The following GAREM1 variants were observed in gnomAD, a reference collection of about 807,000 sequenced individuals.
The protein encoded by GAREM1 is GRB2 associated regulator of MAPK1 subtype 1, also known as GRB2-associated and regulator of MAPK protein 1.
In GAREM1, 26 loss-of-function variants were observed where a neutral mutation model predicts 71.3. That is an observed-to-expected ratio of 0.36 (90% CI 0.27 to 0.51). The LOEUF is 0.51. GAREM1 is among the 20% of genes least tolerant of loss of function. GAREM1 has a pLI of 0.95. For missense variants in GAREM1, 1,026 were observed against 1,103.1 expected, an observed-to-expected ratio of 0.93 and a Z score of 0.99; for synonymous variants, 440 against 433.2, an observed-to-expected ratio of 1.02 and a Z score of -0.20.
intron 2 of GAREM1, among the ~76,000 whole-genome samples, chr18:32,379,936 T>C (rs1267453894): frequency 6.6e-6 from 1 of 152,142 alleles, no homozygotes; most frequent in African/African-American, 2.4e-5. Context: ...TCCTTAAAAA[T>C]CTATTTATTC....
chr18:32,308,669 T>C (rs2047282495), intron 3 of GAREM1, among the ~76,000 whole-genome samples: 2 of 150,286 alleles, frequency 1.3e-5, no homozygotes, highest in Admixed American at 6.6e-5. Flanking sequence ...GCACAAGTTT[T>C]CACTGTAAAC....
In GAREM1 at chr18:32,470,778, C is replaced by G. The variant is rs1478164839; in HGVS notation, c.-350G>C. ...CCTGGGTCTGCAGCTGCGGCGGCCG[C>G]CCGCTCGCCTCCTCCTCCTCTTACC... On this transcript the variant is annotated 5_prime_UTR_variant, in exon 1 of 6. Coordinates refer to ENST00000269209, the MANE Select transcript of GAREM1 (RefSeq NM_001242409.2). The surrounding 1 kb of genome is among the most constrained non-coding windows in gnomAD (Gnocchi z 4.4). Among the ~76,000 whole-genome samples, 1 of 150,052 alleles carries G rather than the reference C, an allele frequency of 6.7e-6. No homozygotes were observed. Among genetic ancestry groups the G allele is most frequent in the Non-Finnish European group, 1.5e-5 (1 of 67,142 alleles).
intron 1 of GAREM1, among the ~76,000 whole-genome samples, chr18:32,438,460 AACTG>A (rs1403901400): frequency 6.6e-6 from 1 of 152,206 alleles, no homozygotes; most frequent in African/African-American, 2.4e-5. Context: ...CCCACTGTCA[AACTG>A]ACTGTTCCCC....
intron 1 of GAREM1, among the ~76,000 whole-genome samples, chr18:32,432,358 G>GA (rs1258502981): frequency 4.0e-5 from 6 of 150,902 alleles, no homozygotes; most frequent in Admixed American, 6.6e-5. Flanking sequence ...TAAGCAACTG[G>GA]AAAAAAAAGA....
intron 2 of GAREM1, among the ~76,000 whole-genome samples, chr18:32,340,346 T>C (rs2047636204): frequency 6.6e-6 from 1 of 152,170 alleles, no homozygotes; most frequent in Non-Finnish European, 1.5e-5. Flanking sequence ...TGTGAGATTA[T>C]GGGAATCAGA....
chr18:32,412,723 T>C, intron 1 of GAREM1: 1 of 1,448,868 alleles, frequency 6.9e-7, no homozygotes, highest in South Asian at 1.1e-5. Context: ...TCGTCAAAGG[T>C]TACAAAGGCA....
intron 1 of GAREM1, among the ~76,000 whole-genome samples, chr18:32,418,729 G>A (rs1339527505): frequency 6.6e-6 from 1 of 152,134 alleles, no homozygotes; most frequent in Non-Finnish European, 1.5e-5. Context: ...GGAAAGAAAC[G>A]AGTAGGGTTC....
At chr18:32,435,380 A>C (rs531401499) in intron 1 of GAREM1, among the ~76,000 whole-genome samples, 9 of 152,306 alleles carry the variant, frequency 5.9e-5, no homozygotes, top group South Asian at 2.1e-4. Flanking sequence ...TAGGGGAAGA[A>C]GGGTTAAGGG....
intron 2 of GAREM1, among the ~76,000 whole-genome samples, chr18:32,364,190 A>G (rs1411396233): frequency 6.7e-6 from 1 of 149,568 alleles, no homozygotes; most frequent in African/African-American, 2.5e-5. Context: ...ACCCACCACC[A>G]CGCCCAGCTA....
intron 2 of GAREM1, among the ~76,000 whole-genome samples, chr18:32,372,223 C>T (rs576828695): frequency 1.3e-5 from 2 of 152,256 alleles, no homozygotes; most frequent in South Asian, 4.1e-4. Flanking sequence ...TTACTGTCAA[C>T]AAGATTATTA....
chr18:32,438,058 C>T (rs1271897943), intron 1 of GAREM1, among the ~76,000 whole-genome samples: 1 of 152,190 alleles, frequency 6.6e-6, no homozygotes, highest in African/African-American at 2.4e-5. Context: ...CAAATTACTG[C>T]TTTCACCAAA....
chr18:32,421,361 C>T (rs1326782381), intron 1 of GAREM1, among the ~76,000 whole-genome samples: 1 of 152,158 alleles, frequency 6.6e-6, no homozygotes. Context: ...TGCACATCCC[C>T]TTTGTTCTAG....
rs1453741815 is a variant in GAREM1 at position 32,268,190 on chromosome 18, T to A, written c.2312A>T (p.Lys771Met). The A allele has an allele frequency of 6.2e-7, 1 of 1,614,124 alleles. No homozygotes were observed. The highest frequency in any genetic ancestry group is 2.2e-5 in the East Asian group (1 of 44,874). The part of the protein sequence containing the change: ...DLSEDQYFVK[K>M]GMQDIFSASY... The stretch of plus-strand genomic sequence containing the variant: ...GGCAGAGAAGATGTCCTGCATGCCC[T>A]TTTTAACAAAATACTGGTCCTCCGA... Residue 771 changes from lysine (K) to methionine (M), a missense_variant, in exon 6 of 6, where the codon AAG becomes ATG. Lys to Met is a moderately conservative substitution (Grantham distance 95). Transcript: ENST00000269209.
intron 2 of GAREM1, among the ~76,000 whole-genome samples, chr18:32,390,539 G>A (rs527718993): frequency 6.6e-6 from 1 of 152,142 alleles, no homozygotes; most frequent in African/African-American, 2.4e-5. Flanking sequence ...TGATCTTAGT[G>A]CCCATGTTTC....
chr18:32,413,352 A>G, intron 1 of GAREM1: 1 of 695,650 alleles, frequency 1.4e-6, no homozygotes, highest in South Asian at 1.9e-5. Context: ...CTTGAAAGAA[A>G]CAAAGACTCA....
intron 4 of GAREM1, among the ~76,000 whole-genome samples, chr18:32,279,086 A>G (rs1342728563): frequency 3.9e-5 from 6 of 152,212 alleles, no homozygotes. Flanking sequence ...GCCATTGAGG[A>G]GTAGAATAAA....
At chr18:32,371,310 G>A (rs1194699885) in intron 2 of GAREM1, among the ~76,000 whole-genome samples, 2 of 152,264 alleles carry the variant, frequency 1.3e-5, no homozygotes, top group African/African-American at 4.8e-5. Context: ...AAAGTTAGAG[G>A]TGGATAGATT....
chr18:32,404,330 A>T (rs1241321158), intron 1 of GAREM1, among the ~76,000 whole-genome samples: 1 of 152,142 alleles, frequency 6.6e-6, no homozygotes, highest in Non-Finnish European at 1.5e-5. Context: ...TATGTTGATA[A>T]TCAACTTGTT....
chr18:32,312,402 T>A (rs924980792), intron 2 of GAREM1, among the ~76,000 whole-genome samples: 20 of 152,170 alleles, frequency 1.3e-4, no homozygotes, highest in Admixed American at 1.0e-3. Flanking sequence ...TGAGTGGGTG[T>A]CAAATGCTGC....
Sources: allele counts gnomAD v4.1 joint callset (sites outside exome capture counted in the v4.1 genomes callset), GRCh38; gene constraint gnomAD v4.1.1; non-coding constraint Gnocchi (gnomAD v3.1); transcripts MANE v1.5; gene names NCBI Gene and HGNC (gene_info 2026-07-23, HGNC 2026-07-21).